SNRNP200: variants seen among roughly 807,000 people sequenced by gnomAD.
SNRNP200 encodes U5 small nuclear ribonucleoprotein 200 kDa helicase.
A neutral mutation model predicts 255.2 loss-of-function variants in SNRNP200; 66 were observed. That is an observed-to-expected ratio of 0.26 (90% CI 0.21 to 0.32). The LOEUF is 0.32. SNRNP200 is among the 10% of genes least tolerant of loss of function. The pLI is 1.00. For synonymous variants in SNRNP200, 939 were observed against 1,027.8 expected (o/e 0.91, Z 1.65); for missense variants, 1,585 against 2,749.8 (o/e 0.58, Z 9.47).
At position 96,303,342 on chromosome 2, in the gene SNRNP200, G is replaced by A. The variant is rs1216099623; in HGVS notation, c.210-12C>T. On this transcript the variant is annotated splice_polypyrimidine_tract_variant and intron_variant, in intron 2 of 44. Transcript: ENST00000323853. ...CACGCTTTCTTCGCCTAATGGACAT[G>A]CAATGTGATATTGAATGGCAGAACC... 7 of 1,613,944 alleles carry A rather than the reference G, an allele frequency of 4.3e-6. No individual in the cohort carries two copies. The African/African-American group carries it at 8.0e-5, about 18-fold the overall frequency.
intron 35 of SNRNP200, 78 bp from the exon 36 acceptor site, chr2:96,279,637 CAAGT>C (rs926469240): frequency 9.7e-5 from 83 of 856,380 alleles, no homozygotes; most frequent in Non-Finnish European, 6.0e-5. Flanking sequence ...CTCCCTTCGC[CAAGT>C]AAGAGTAAAA....
rs1423671831 is a variant in SNRNP200, at chr2:96,274,970, C to T, written c.*42G>A. ...TCCTACAATGTACACATTCCTAATTCAGGCTCAACTCTCCTTTACCCAAAA... is the reference window on the plus strand; with the variant it reads ...TCCTACAATGTACACATTCCTAATTTAGGCTCAACTCTCCTTTACCCAAAA... On this transcript the variant is annotated 3_prime_UTR_variant, in exon 45 of 45. Coordinates refer to ENST00000323853, the MANE Select transcript of SNRNP200 (RefSeq NM_014014.5). 2 of 1,610,278 alleles carry T rather than the reference C, an allele frequency of 1.2e-6. No homozygotes were observed. Among genetic ancestry groups the T allele is most frequent in the African/African-American group, 1.3e-5 (1 of 74,944 alleles).
In SNRNP200 at chr2:96,277,466, GCAACC is replaced by G; in HGVS notation, c.5931+68_5931+72del. ...TTTAACTTACTGAGACTCACCTCCC[GCAACC>G]CACGCTCGGTCCACAACACTGGGCT... On this transcript the variant is annotated intron_variant, in intron 41 of 44. Coordinates refer to ENST00000323853, the MANE Select transcript of SNRNP200 (RefSeq NM_014014.5). The surrounding 1 kb of genome is among the most constrained non-coding windows in gnomAD (Gnocchi z 4.4). 1 of 1,570,984 alleles carries G rather than the reference GCAACC, an allele frequency of 6.4e-7. No individual in the cohort carries two copies. Among genetic ancestry groups the G allele is most frequent in the South Asian group, 1.1e-5 (1 of 89,700 alleles).
rs557594028 is a variant in SNRNP200 at position 96,305,546 on chromosome 2, T to C, written c.-109A>G. 2 of 1,467,686 alleles carry C rather than the reference T, an allele frequency of 1.4e-6. No homozygotes were observed. The highest frequency in any genetic ancestry group is 1.7e-5 in the Admixed American group (1 of 57,656). 90.9% of individuals were successfully genotyped at this position (1,467,686 alleles called of 1,614,324 possible). On this transcript the variant is annotated 5_prime_UTR_variant, in exon 1 of 45. Coordinates refer to ENST00000323853, the MANE Select transcript of SNRNP200 (RefSeq NM_014014.5). ...CCGGAACGACGCAGGAAAGACGCAC[T>C]GGGGAAGGAAAAGAAACGGGTTCCC...
At position 96,295,566 on chromosome 2, in the gene SNRNP200, G is replaced by A; in HGVS notation, c.1764C>T (p.Cys588=). 1 of 1,613,932 alleles carries A rather than the reference G, an allele frequency of 6.2e-7. No homozygotes were observed. The highest frequency in any genetic ancestry group is 8.5e-7 in the Non-Finnish European group (1 of 1,180,006). Residue 588 remains cysteine, a synonymous_variant, in exon 14 of 45, where the codon TGC becomes TGT. Coordinates refer to ENST00000323853, the MANE Select transcript of SNRNP200 (RefSeq NM_014014.5). ...EEISATQIIV[C]TPEKWDIITR... is the part of the protein sequence containing the mutation. The stretch of plus-strand genomic sequence containing the variant: ...TGATGATGTCCCACTTCTCGGGGGT[G>A]CAGACGATGATCTGAGTGGCACTGA...
intron 16 of SNRNP200, among the ~76,000 whole-genome samples, chr2:96,292,742 G>T (rs1471716493): frequency 3.3e-5 from 5 of 152,044 alleles, no homozygotes; most frequent in Non-Finnish European, 5.9e-5. Flanking sequence ...TTGGAGAACT[G>T]GTCCATTTCT....
Position 96,277,098 on chromosome 2 carries a change from A to T in SNRNP200, c.6075T>A (p.Asp2025Glu). The change falls in exon 42 of 45, where the codon GAT becomes GAA. Residue 2025 changes from aspartate to glutamate, a missense_variant. This residue lies in a region of SNRNP200 where 279 missense variants were observed against 551.2 expected (regional missense o/e 0.51). Transcript: ENST00000323853. The surrounding 1 kb of genome is among the most constrained non-coding windows in gnomAD (Gnocchi z 4.4). ...TGGCTCACCTGCGGATGCTGTCCTT[A>T]TCTACCACCTCATAAGATAGTTCGA... is the stretch of plus-strand genomic sequence containing the variant. ...PNIELSYEVV[D>E]KDSIRSGGPV... 2 of 1,614,226 alleles carry T rather than the reference A, an allele frequency of 1.2e-6. No homozygotes were observed. Among genetic ancestry groups the T allele is most frequent in the Non-Finnish European group, 8.5e-7 (1 of 1,180,032 alleles).
rs952487978 is a variant in SNRNP200, at chr2:96,295,422, A to G, written c.1842+66T>C. The G allele has an allele frequency of 2.6e-5, 41 of 1,592,848 alleles. No homozygotes were observed. The African/African-American group carries it at 4.8e-4, about 19-fold the overall frequency. ...AAAAGGCAGCAAAGAAACATTTCGCATGAAAACCCAGCAAACCCGCCCTGA... is the reference window on the plus strand; with the variant it reads ...AAAAGGCAGCAAAGAAACATTTCGCGTGAAAACCCAGCAAACCCGCCCTGA... On this transcript the variant is annotated intron_variant, in intron 14 of 44. Transcript: ENST00000323853.
chr2:96,284,602 G>A lies in SNRNP200; in HGVS notation c.4165-17C>T, dbSNP rs755531194. The A allele has an allele frequency of 6.3e-6, 10 of 1,580,776 alleles. No homozygotes were observed. In the Admixed American group the frequency reaches 1.0e-4, roughly 16 times the overall value. On this transcript the variant is annotated splice_polypyrimidine_tract_variant and intron_variant, in intron 30 of 44. Coordinates refer to ENST00000323853, the MANE Select transcript of SNRNP200 (RefSeq NM_014014.5). ...CATGTATACCTGGCGGGCAGAGGAG[G>A]GAGGCAGAACAACACTAGGCCATAC...
chr2:96,278,700 G>A lies in SNRNP200; in HGVS notation c.5335C>T (p.Arg1779Cys). 1 of 1,614,258 alleles carries A rather than the reference G, an allele frequency of 6.2e-7. No homozygotes were observed. The highest frequency in any genetic ancestry group is 8.5e-7 in the Non-Finnish European group (1 of 1,180,054). ...NYYNLQGISH[R>C]HLSDHLSELV... ...TCTGACAAGTGGTCCGACAAGTGAC[G>A]ATGGGAGATGCCTATGGAGGCGAGA... Residue 1779 changes from arginine to cysteine, a missense_variant, in exon 38 of 45, where the codon CGT becomes TGT. This residue lies in a region of SNRNP200 where 279 missense variants were observed against 551.2 expected (regional missense o/e 0.51). Transcript: ENST00000323853. The surrounding 1 kb of genome is among the most constrained non-coding windows in gnomAD (Gnocchi z 6.9).
Position 96,283,310 on chromosome 2 carries a change from C to T in SNRNP200, c.4806G>A (p.Glu1602=), listed in dbSNP as rs2063818204. 1 of 1,614,138 alleles carries T rather than the reference C, an allele frequency of 6.2e-7. No homozygotes were observed. The highest frequency in any genetic ancestry group is 8.5e-7 in the Non-Finnish European group (1 of 1,180,028). ...CCTTGAGCGTGCTGTCACTTAGCTTCTCCAGGTACGGAATCAGATCCTTCT... is the reference window on the plus strand; with the variant it reads ...CCTTGAGCGTGCTGTCACTTAGCTTTTCCAGGTACGGAATCAGATCCTTCT... ...CTEKDLIPYL[E]KLSDSTLKET... is the part of the protein sequence containing the mutation. The change falls in exon 34 of 45, where the codon GAG becomes GAA. Residue 1602 remains glutamate, a synonymous_variant. Transcript: ENST00000323853. The surrounding 1 kb of genome is among the most constrained non-coding windows in gnomAD (Gnocchi z 4.7).
chr2:96,276,835 C>T, intron 43 of SNRNP200, 69 bp downstream of exon 43: 1 of 1,428,412 alleles, frequency 7.0e-7, no homozygotes. Flanking sequence ...ACAGTGTGCC[C>T]TTGTACCAAG....
chr2:96,290,322 C>A lies in SNRNP200; in HGVS notation c.2742+4G>T. On this transcript the variant is annotated splice_donor_region_variant and intron_variant, in intron 20 of 44. Coordinates refer to ENST00000323853, the MANE Select transcript of SNRNP200 (RefSeq NM_014014.5). The surrounding 1 kb of genome is among the most constrained non-coding windows in gnomAD (Gnocchi z 4.5). ...ATGAAGCACAACAAGCAGTCCTCCCCTACCTTGGCATTCTGGACATTTCCT... is the reference window on the plus strand; with the variant it reads ...ATGAAGCACAACAAGCAGTCCTCCCATACCTTGGCATTCTGGACATTTCCT... The A allele has an allele frequency of 6.2e-7, 1 of 1,613,852 alleles. No homozygotes were observed. Among genetic ancestry groups the A allele is most frequent in the Non-Finnish European group, 8.5e-7 (1 of 1,180,000 alleles).
Position 96,283,781 on chromosome 2 carries a change from C to A in SNRNP200, c.4584+32G>T. The A allele has an allele frequency of 6.2e-7, 1 of 1,613,860 alleles. No individual in the cohort carries two copies. The highest frequency in any genetic ancestry group is 8.5e-7 in the Non-Finnish European group (1 of 1,179,896). Reference sequence around the variant, plus strand: ...TGGGTCACTCAGGATCTATGTGACACCCCACAGACGGATGAGGAGAGTGGG... The same window carrying A: ...TGGGTCACTCAGGATCTATGTGACAACCCACAGACGGATGAGGAGAGTGGG... On this transcript the variant is annotated intron_variant, in intron 32 of 44. Transcript: ENST00000323853. This position sits in a 1 kb window ranked among gnomAD's most constrained non-coding sequence, Gnocchi z 4.7.
intron 5 of SNRNP200, among the ~76,000 whole-genome samples, chr2:96,300,230 T>G (rs2063944018): frequency 6.6e-6 from 1 of 152,222 alleles, no homozygotes; most frequent in Non-Finnish European, 1.5e-5. Context: ...TTTAGTTATA[T>G]TCAAGGAATT....
In SNRNP200 at chr2:96,290,842, G is replaced by C. The variant is rs1220238322; in HGVS notation, c.2422-27C>G. The C allele has an allele frequency of 1.2e-6, 2 of 1,613,938 alleles. No individual in the cohort carries two copies. The highest frequency in any genetic ancestry group is 4.5e-5 in the East Asian group (2 of 44,876). ...TACAGAGGCAAAACAAGGTAATGAG[G>C]AGAACAGATGCCATCACCAGGGGTT... On this transcript the variant is annotated intron_variant, in intron 18 of 44. Coordinates refer to ENST00000323853, the MANE Select transcript of SNRNP200 (RefSeq NM_014014.5). This position sits in a 1 kb window ranked among gnomAD's most constrained non-coding sequence, Gnocchi z 4.5.
chr2:96,301,843 A>G, intron 3 of SNRNP200, 127 bp from the exon 4 acceptor site: 2 of 926,612 alleles, frequency 2.2e-6, no homozygotes. Context: ...CTAGGCTCTG[A>G]CCTTTCTCAT....
chr2:96,287,244 G>T lies in SNRNP200; in HGVS notation c.3485-84C>A. ...GGGCCTGAGGGCCACTGTGGGAAAG[G>T]GGTAGGGTCTTCCCTTTATGGTCAG... On this transcript the variant is annotated intron_variant, in intron 26 of 44. Coordinates refer to ENST00000323853, the MANE Select transcript of SNRNP200 (RefSeq NM_014014.5). This position sits in a 1 kb window ranked among gnomAD's most constrained non-coding sequence, Gnocchi z 5.7. 3.3e-6 allele frequency: 5 copies of T among 1,536,072 alleles called. No individual in the cohort carries two copies. Among genetic ancestry groups the T allele is most frequent in the Non-Finnish European group, 4.5e-6 (5 of 1,110,080 alleles).
chr2:96,291,956 C>A lies in SNRNP200; in HGVS notation c.2161-56G>T. 1 of 1,599,176 alleles carries A rather than the reference C, an allele frequency of 6.3e-7. No homozygotes were observed. The highest frequency in any genetic ancestry group is 8.5e-7 in the Non-Finnish European group (1 of 1,172,710). ...CGAGATACTCACAGCCCCAGGGCAC[C>A]TGCAGCAGGAAGCAGAAGTTGCACC... On this transcript the variant is annotated intron_variant, in intron 16 of 44. Coordinates refer to ENST00000323853, the MANE Select transcript of SNRNP200 (RefSeq NM_014014.5). The surrounding 1 kb of genome is among the most constrained non-coding windows in gnomAD (Gnocchi z 4.2).
Sources: gnomAD v4.1 joint callset for allele counts (sites outside exome capture counted in the v4.1 genomes callset) on GRCh38, gnomAD v4.1.1 for gene constraint, gnomAD v4.1.1 regional missense constraint, Gnocchi (gnomAD v3.1) non-coding constraint, MANE v1.5 for transcripts, NCBI Gene and HGNC (gene_info 2026-07-23, HGNC 2026-07-21) for gene names.